NOTCH2NLR: variants seen among roughly 807,000 people sequenced by gnomAD.
The protein encoded by NOTCH2NLR is notch 2 N-terminal like R (pseudogene).
A neutral mutation model predicts 35.6 loss-of-function variants in NOTCH2NLR; 33 were observed. The ratio of observed to expected loss-of-function variants is 0.93; its 90% CI spans 0.70 to 1.24. NOTCH2NLR has a LOEUF of 1.24. NOTCH2NLR is among the 50% of genes most tolerant of loss of function. NOTCH2NLR has a pLI of 0.00. For synonymous variants in NOTCH2NLR, 103 were observed against 141.0 expected (o/e 0.73, Z 1.91); for missense variants, 276 against 362.2 (o/e 0.76, Z 1.93).
rs1650788792 is a variant in NOTCH2NLR at position 120,724,250 on chromosome 1, G to C, written c.73G>C (p.Ala25Pro). ...GCTGTGCTGGGCGGCCCCCGCGCATGGTGAGTATCGGGCTGAGGGGCGCTG... is the reference window on the plus strand; with the variant it reads ...GCTGTGCTGGGCGGCCCCCGCGCATCGTGAGTATCGGGCTGAGGGGCGCTG... Residue 25 changes from alanine (A) to proline (P), a missense_variant and splice_region_variant, in exon 1 of 5, where the codon GCA becomes CCA. Ala to Pro is a conservative substitution (Grantham distance 27). Transcript: ENST00000624419. The C allele has an allele frequency of 9.3e-6, 13 of 1,399,632 alleles. 2 individuals carry two copies. Among genetic ancestry groups the C allele is most frequent in the Non-Finnish European group, 1.9e-6 (2 of 1,067,164 alleles). The allele number at this position is 1,399,632 out of a possible 1,614,324, so 86.7% of individuals were successfully genotyped here.
intron 3 of NOTCH2NLR, among the ~76,000 whole-genome samples, chr1:120,792,115 TTCA>T (rs1476053585): frequency 3.5e-5 from 1 of 28,278 alleles, no homozygotes; most frequent in Non-Finnish European, 6.0e-5. Flanking sequence ...CCAGAGTTCC[TTCA>T]TCATTTTCAA....
chr1:120,756,741 A>G lies in NOTCH2NLR; in HGVS notation c.74-6887A>G, dbSNP rs1414641465. On this transcript the variant is annotated intron_variant, in intron 1 of 4. Transcript: ENST00000624419. ...CTGGTATGATACTGAAAAGCATTGG[A>G]AAACTTAGGTAAATGCCTAGAGGAA... Among the ~76,000 whole-genome samples, 4 of 114,654 alleles carry G rather than the reference A, an allele frequency of 3.5e-5. 2 individuals carry two copies. The highest frequency in any genetic ancestry group is 6.6e-5 in the Non-Finnish European group (4 of 60,476). 75.2% of individuals were successfully genotyped at this position (114,654 alleles called of 152,430 possible).
intron 2 of NOTCH2NLR, among the ~76,000 whole-genome samples, chr1:120,777,922 G>A (rs1438721445): frequency 1.0e-5 from 1 of 95,548 alleles, no homozygotes; most frequent in East Asian, 2.7e-4. Context: ...CAATAGGTGG[G>A]TTAGGCCTCC....
intron 2 of NOTCH2NLR, among the ~76,000 whole-genome samples, chr1:120,768,454 C>CTGTG (rs1651219571): frequency 9.8e-6 from 1 of 101,538 alleles, no homozygotes; most frequent in East Asian, 2.5e-4. Context: ...GCTACCCACT[C>CTGTG]TGTGGTTCTG....
chr1:120,764,169 C>T (rs1200118025), intron 2 of NOTCH2NLR, among the ~76,000 whole-genome samples: 2 of 113,980 alleles, frequency 1.8e-5, no homozygotes, highest in Admixed American at 8.5e-5. Context: ...GTGACTTGAA[C>T]CCAGGAGGCG....
In NOTCH2NLR at chr1:120,724,405, G is replaced by T. The variant is rs1304431507; in HGVS notation, c.73+155G>T. On this transcript the variant is annotated intron_variant, in intron 1 of 4. Transcript: ENST00000624419. Reference sequence around the variant, plus strand: ...CTGGGTTCCCAAGAGTTTGGACATCGCCGGGGGCCCCTCCCGTGGTGCCCC... The same window carrying T: ...CTGGGTTCCCAAGAGTTTGGACATCTCCGGGGGCCCCTCCCGTGGTGCCCC... Among the ~76,000 whole-genome samples the T allele has an allele frequency of 2.7e-4, 32 of 120,286 alleles. 10 individuals are homozygous for T. Among genetic ancestry groups the T allele is most frequent in the Non-Finnish European group, 6.5e-5 (4 of 61,450 alleles). The allele number at this position is 120,286 out of a possible 152,430, so 78.9% of individuals were successfully genotyped here. A position where few individuals can be genotyped will look rare whatever the true frequency, so the allele number is the denominator to read the frequency against.
rs1224758269 is a variant in NOTCH2NLR, at chr1:120,764,042, T to C, written c.155+333T>C. 1.8e-5 allele frequency among the ~76,000 whole-genome samples: 2 copies of C among 109,482 alleles called. 1 individual carries two copies. Among genetic ancestry groups the C allele is most frequent in the African/African-American group, 1.1e-4 (2 of 18,468 alleles). 71.8% of individuals were successfully genotyped at this position (109,482 alleles called of 152,430 possible). On this transcript the variant is annotated intron_variant, in intron 2 of 4. Coordinates refer to ENST00000624419, the Ensembl canonical transcript of NOTCH2NLR. The stretch of plus-strand genomic sequence containing the variant: ...GTTGGGCGAATCACGAGGTCAGGAG[T>C]TCAAGATCAGCCTGGCCAACATAGT...
Position 120,745,123 on chromosome 1 carries a change from AAAAAAAAAAAC to A in NOTCH2NLR, c.74-18485_74-18475del, listed in dbSNP as rs1421941573. 1.2e-3 allele frequency among the ~76,000 whole-genome samples: 109 copies of A among 92,558 alleles called. 10 individuals are homozygous for A. Among genetic ancestry groups the A allele is most frequent in the Non-Finnish European group, 1.3e-3 (68 of 50,920 alleles). 60.7% of individuals were successfully genotyped at this position (92,558 alleles called of 152,430 possible). A position where few individuals can be genotyped will look rare whatever the true frequency, so the allele number is the denominator to read the frequency against. On this transcript the variant is annotated intron_variant, in intron 1 of 4. Transcript: ENST00000624419. ...TGACAGAGCAAGATCCTGTCTCCAA[AAAAAAAAAAAC>A]AAAAAAAAAACAAAAAAAAGTGGTA... is the stretch of plus-strand genomic sequence containing the variant.
exon 3 of NOTCH2NLR, chr1:120,785,228 T>A: frequency 6.9e-7 from 1 of 1,445,326 alleles, no homozygotes; most frequent in Admixed American, 1.9e-5. Flanking sequence ...CAAGTCGGGT[T>A]TACAGGTAAC....
rs1374683684 is a variant in NOTCH2NLR at position 120,761,212 on chromosome 1, G to A, written c.74-2416G>A. ...ACCTGTCACTGTAATGATTTGTCAG[G>A]ACACTTAATAGGAACAGGCCGTGAT... is the stretch of plus-strand genomic sequence containing the variant. On this transcript the variant is annotated intron_variant, in intron 1 of 4. Transcript: ENST00000624419. 2.4e-5 allele frequency among the ~76,000 whole-genome samples: 3 copies of A among 123,422 alleles called. 1 individual carries two copies. The East Asian group carries it at 6.5e-4, about 27-fold the overall frequency. The allele number at this position is 123,422 out of a possible 152,430, so 81.0% of individuals were successfully genotyped here. A position where few individuals can be genotyped will look rare whatever the true frequency, so the allele number is the denominator to read the frequency against.
In NOTCH2NLR at chr1:120,784,811, T is replaced by C. The variant is rs1392897101; in HGVS notation, c.156-163T>C. Among the ~76,000 whole-genome samples the C allele has an allele frequency of 8.4e-5, 10 of 119,154 alleles. 2 individuals carry two copies. The highest frequency in any genetic ancestry group is 2.4e-4 in the Admixed American group (3 of 12,540). The allele number at this position is 119,154 out of a possible 152,430, so 78.2% of individuals were successfully genotyped here. A position where few individuals can be genotyped will look rare whatever the true frequency, so the allele number is the denominator to read the frequency against. Reference sequence around the variant, plus strand: ...CATGGGAGTACGTGGTTAAGTTCTCTAAGGACTCTTTCTTCTAAAGGGAAG... The same window carrying C: ...CATGGGAGTACGTGGTTAAGTTCTCCAAGGACTCTTTCTTCTAAAGGGAAG... On this transcript the variant is annotated intron_variant, in intron 2 of 4. Coordinates refer to ENST00000624419, the Ensembl canonical transcript of NOTCH2NLR.
At chr1:120,790,765 A>T (rs1198391055) in intron 3 of NOTCH2NLR, among the ~76,000 whole-genome samples, 6 of 107,704 alleles carry the variant, frequency 5.6e-5, no homozygotes, top group Admixed American at 4.6e-4. Flanking sequence ...AAGCCCGGCT[A>T]ATTTTTGTAT....
At chr1:120,729,050 C>T (rs1650847317) in intron 1 of NOTCH2NLR, among the ~76,000 whole-genome samples, 1 of 115,448 alleles carries the variant, frequency 8.7e-6, no homozygotes. Context: ...GTCACAGCAT[C>T]TATGACTCCT....
chr1:120,730,018 G>A lies in NOTCH2NLR; in HGVS notation c.73+5768G>A. Among the ~76,000 whole-genome samples the A allele has an allele frequency of 2.0e-5, 2 of 100,790 alleles. 1 individual carries two copies. The highest frequency in any genetic ancestry group is 1.4e-4 in the African/African-American group (2 of 14,478). The allele number at this position is 100,790 out of a possible 152,430, so 66.1% of individuals were successfully genotyped here. On this transcript the variant is annotated intron_variant, in intron 1 of 4. Coordinates refer to ENST00000624419, the Ensembl canonical transcript of NOTCH2NLR. Reference sequence around the variant, plus strand: ...AGAAAGCTGCTATGGTATAAGGTTAGTAAAGTTGTTTGTTTTGTCTTAAAA... The same window carrying A: ...AGAAAGCTGCTATGGTATAAGGTTAATAAAGTTGTTTGTTTTGTCTTAAAA...
exon 1 of NOTCH2NLR, chr1:120,724,120 A>T: frequency 7.4e-7 from 1 of 1,347,306 alleles, no homozygotes; most frequent in Non-Finnish European, 9.6e-7. Context: ...CCCCATGTGG[A>T]TCTGCCCAGG....
intron 3 of NOTCH2NLR, among the ~76,000 whole-genome samples, chr1:120,791,345 C>A (rs1651491639): frequency 1.0e-5 from 1 of 100,292 alleles, no homozygotes; most frequent in East Asian, 2.4e-4. Context: ...GACACATGCA[C>A]ACGTATGTTT....
intron 3 of NOTCH2NLR, 80 bp downstream of exon 3, chr1:120,785,313 G>A: frequency 8.7e-7 from 1 of 1,152,568 alleles, no homozygotes; most frequent in East Asian, 2.4e-5. Flanking sequence ...CATGGTGTCT[G>A]GCTCTTAAAT....
In NOTCH2NLR at chr1:120,793,431, C is replaced by G. The variant is rs1651517153; in HGVS notation, c.686C>G (p.Pro229Arg). 4 of 1,442,752 alleles carry G rather than the reference C, an allele frequency of 2.8e-6. 2 individuals carry two copies. Among genetic ancestry groups the G allele is most frequent in the Non-Finnish European group, 3.7e-6 (4 of 1,079,730 alleles). 89.4% of individuals were successfully genotyped at this position (1,442,752 alleles called of 1,614,324 possible). A position where few individuals can be genotyped will look rare whatever the true frequency, so the allele number is the denominator to read the frequency against. ...CTGTATGTGCCCTGTGCACACTCGCCTTGTGTCAATGGAGGCACCTGTCGG... is the reference window on the plus strand; with the variant it reads ...CTGTATGTGCCCTGTGCACACTCGCGTTGTGTCAATGGAGGCACCTGTCGG... Residue 229 changes from proline (P) to arginine (R), a missense_variant, in exon 4 of 5, where the codon CCT becomes CGT. Coordinates refer to ENST00000624419, the Ensembl canonical transcript of NOTCH2NLR.
At chr1:120,759,256 A>G (rs1246600071) in intron 1 of NOTCH2NLR, among the ~76,000 whole-genome samples, 1 of 48,662 alleles carries the variant, frequency 2.1e-5, no homozygotes, top group African/African-American at 2.0e-4. Context: ...GAAATCTACT[A>G]CTTCTTTTTG....
Sources: gnomAD v4.1 joint callset for allele counts (sites outside exome capture counted in the v4.1 genomes callset) on GRCh38, gnomAD v4.1.1 for gene constraint, MANE v1.5 for transcripts, NCBI Gene and HGNC (gene_info 2026-07-23, HGNC 2026-07-21) for gene names.